The following ACACA variants were observed in gnomAD, a reference collection of about 807,000 sequenced individuals.
ACACA encodes the protein acetyl-CoA carboxylase 1.
ACACA carries 103 observed loss-of-function variants against 296.1 expected under a neutral mutation model. That is an observed-to-expected ratio of 0.35 (90% confidence interval 0.30 to 0.41). The LOEUF (loss-of-function observed/expected upper bound fraction) is 0.41, where lower values mean the gene tolerates loss of function less well. ACACA is among the 10% of genes least tolerant of loss of function. The pLI is 1.00. For synonymous variants in ACACA, 953 were observed against 1,038.6 expected (o/e 0.92, Z 1.58); for missense variants, 1,554 against 2,989.7 (o/e 0.52, Z 11.20).
At chr17:37,378,800 G>T (rs893581993) in intron 1 of ACACA, among the ~76,000 whole-genome samples, 5 of 150,718 alleles carry the variant, frequency 3.3e-5, no homozygotes, top group African/African-American at 1.2e-4. Flanking sequence ...GGTGGCTCAT[G>T]TCTGTAATCC....
chr17:37,194,302 C>T (rs1435504766), intron 35 of ACACA, among the ~76,000 whole-genome samples: 1 of 152,144 alleles, frequency 6.6e-6, no homozygotes, highest in East Asian at 1.9e-4. Context: ...TAGCTGCCTA[C>T]ACATCCTCAA....
At chr17:37,406,240 A>T (rs769706226) in intron 1 of ACACA, 22 bp downstream of exon 1, 1 of 1,613,100 alleles carries the variant, frequency 6.2e-7, no homozygotes, top group Admixed American at 1.7e-5. Flanking sequence ...TAACAGCAGT[A>T]ATAAGAGATC....
Position 37,280,619 on chromosome 17 carries a change from C to A in ACACA, c.611-2614G>T, listed in dbSNP as rs567007296. Among the ~76,000 whole-genome samples the A allele has an allele frequency of 2.0e-5, 3 of 151,928 alleles. No homozygotes were observed. In the South Asian group the frequency reaches 6.3e-4, roughly 32 times the overall value. ...GGATTTGCATCAAAATAATTGTGCA[C>A]GGGGTTAAGAATATAGATGAAACTA... is the stretch of plus-strand genomic sequence containing the variant. On this transcript the variant is annotated intron_variant, in intron 5 of 55. Transcript: ENST00000616317.
chr17:37,300,586 A>G (rs1039751264), intron 3 of ACACA, among the ~76,000 whole-genome samples: 1 of 152,230 alleles, frequency 6.6e-6, no homozygotes, highest in Admixed American at 6.5e-5. Flanking sequence ...AAAACCTTCA[A>G]AAACAGAAGT....
At chr17:37,350,140 A>C (rs982237735) in intron 1 of ACACA, among the ~76,000 whole-genome samples, 1 of 152,060 alleles carries the variant, frequency 6.6e-6, no homozygotes, top group South Asian at 2.1e-4. Flanking sequence ...GCTGGGCAAC[A>C]AAGTGAGACT....
chr17:37,119,104 A>C (rs552151022), intron 50 of ACACA, among the ~76,000 whole-genome samples: 1 of 152,326 alleles, frequency 6.6e-6, no homozygotes, highest in African/African-American at 2.4e-5. Context: ...GTCTCAACAA[A>C]AATATTAGAG....
intron 1 of ACACA, among the ~76,000 whole-genome samples, chr17:37,350,857 G>A (rs762159739): frequency 1.3e-5 from 2 of 152,132 alleles, no homozygotes; most frequent in Non-Finnish European, 2.9e-5. Context: ...ACCAGGCCAG[G>A]TGCAGTGGCC....
chr17:37,119,636 ACACAC>A (rs2074426074), intron 50 of ACACA, among the ~76,000 whole-genome samples: 47 of 137,582 alleles, frequency 3.4e-4, no homozygotes, highest in African/African-American at 1.2e-3. Flanking sequence ...ACACACACAC[ACACAC>A]AATCAACCTA....
intron 24 of ACACA, 28 bp from the exon 25 acceptor site, chr17:37,235,127 C>T: frequency 6.2e-7 from 1 of 1,612,272 alleles, no homozygotes; most frequent in African/African-American, 1.3e-5. Context: ...AACTGGTTCT[C>T]ACCCATGTAT....
rs558281760 is a variant in ACACA at position 37,172,161 on chromosome 17, T to C, written c.5079+7099A>G. Among the ~76,000 whole-genome samples the C allele has an allele frequency of 3.9e-5, 6 of 152,328 alleles. No homozygotes were observed. In the East Asian group the frequency reaches 1.2e-3, roughly 29 times the overall value. On this transcript the variant is annotated intron_variant, in intron 41 of 55. Transcript: ENST00000616317. Reference sequence around the variant, plus strand: ...CAACTTAAGACAGGTATAAATATGCTGGCAAGTACATTCTTTTGTTTGAAG... The same window carrying C: ...CAACTTAAGACAGGTATAAATATGCCGGCAAGTACATTCTTTTGTTTGAAG...
At chr17:37,107,580 C>A (rs1171568495) in intron 52 of ACACA, among the ~76,000 whole-genome samples, 6 of 152,238 alleles carry the variant, frequency 3.9e-5, no homozygotes, top group African/African-American at 1.4e-4. Flanking sequence ...AGCAGCAGTG[C>A]TCACTCAGTC....
intron 3 of ACACA, among the ~76,000 whole-genome samples, chr17:37,307,933 T>C (rs2083956667): frequency 7.9e-6 from 1 of 127,266 alleles, no homozygotes; most frequent in African/African-American, 3.6e-5. Flanking sequence ...CTTCAGCAAC[T>C]GATATAACAA....
intron 33 of ACACA, among the ~76,000 whole-genome samples, chr17:37,202,382 T>G (rs1022185193): frequency 6.6e-6 from 1 of 152,084 alleles, no homozygotes; most frequent in African/African-American, 2.4e-5. Flanking sequence ...TACCCAGCGA[T>G]TAGGCATCAG....
chr17:37,365,612 G>C (rs1030270382), intron 1 of ACACA: 26 of 985,256 alleles, frequency 2.6e-5, no homozygotes, highest in Non-Finnish European at 3.0e-5. Flanking sequence ...AGAAAAATAA[G>C]ACACAAAGTC....
intron 2 of ACACA, 38 bp from the exon 3 acceptor site, chr17:37,330,463 A>G (rs777284619): frequency 6.2e-7 from 1 of 1,612,558 alleles, no homozygotes; most frequent in South Asian, 1.1e-5. Context: ...GCAGGTTATG[A>G]ATAATAATCT....
intron 29 of ACACA, chr17:37,221,472 T>G (rs1438695454): frequency 1.1e-5 from 5 of 451,480 alleles, no homozygotes; most frequent in Non-Finnish European, 1.1e-5. Context: ...AAAAAGAAAC[T>G]ATTTCCTCAG....
chr17:37,161,106 A>G (rs1477393874), intron 42 of ACACA, among the ~76,000 whole-genome samples: 2 of 152,216 alleles, frequency 1.3e-5, no homozygotes, highest in African/African-American at 4.8e-5. Flanking sequence ...TTAGTAATGG[A>G]CAGAGTGGCA....
At chr17:37,202,708 TATATAC>T (rs1377802234) in intron 33 of ACACA, among the ~76,000 whole-genome samples, 39 of 21,634 alleles carry the variant, frequency 1.8e-3, no homozygotes, top group East Asian at 4.7e-3. Flanking sequence ...TATATATATA[TATATAC>T]ACACACACAT....
In ACACA at chr17:37,097,069, T is replaced by A; in HGVS notation, c.6818A>T (p.Asn2273Ile). Residue 2273 changes from asparagine (N) to isoleucine (I), a missense_variant, in exon 54 of 56, where the codon AAC becomes ATC. By Grantham distance (149) the Asn-to-Ile change is moderately radical. This residue lies in a region of ACACA where 553 missense variants were observed against 1,043.6 expected (regional missense o/e 0.53). Transcript: ENST00000616317. This position sits in a 1 kb window ranked among gnomAD's most constrained non-coding sequence, Gnocchi z 4.8. ...DLVKKKIHNA[N>I]PELTDGQIQA... ...AATCTGGCCATCAGTCAGCTCAGGG[T>A]TGGCATTGTGGATTTTCTTCTTGAC... 2 of 1,614,108 alleles carry A rather than the reference T, an allele frequency of 1.2e-6. No individual in the cohort carries two copies. Among genetic ancestry groups the A allele is most frequent in the Non-Finnish European group, 1.7e-6 (2 of 1,180,024 alleles).
Sources: allele counts gnomAD v4.1 joint callset (sites outside exome capture counted in the v4.1 genomes callset), GRCh38; gene constraint gnomAD v4.1.1; regional missense constraint gnomAD v4.1.1; non-coding constraint Gnocchi (gnomAD v3.1); transcripts MANE v1.5; gene names NCBI Gene and HGNC (gene_info 2026-07-23, HGNC 2026-07-21).